Variants in PCDHGB3 observed in about 807,000 individuals in gnomAD.
The protein encoded by PCDHGB3 is protocadherin gamma-B3.
A neutral mutation model predicts 59.2 loss-of-function variants in PCDHGB3; 40 were observed. The ratio of observed to expected loss-of-function variants is 0.68; its 90% CI spans 0.52 to 0.88. The LOEUF (loss-of-function observed/expected upper bound fraction) is 0.88, where lower values mean the gene tolerates loss of function less well. Ranked by LOEUF, PCDHGB3 falls within the 40% of genes least tolerant of loss-of-function variation. The pLI, the probability that PCDHGB3 is intolerant of heterozygous loss-of-function variation, is 0.00. For synonymous variants in PCDHGB3, 581 were observed against 503.6 expected, an observed-to-expected ratio of 1.15 and a Z score of -2.06; for missense variants, 1,309 against 1,187.9, an observed-to-expected ratio of 1.10 and a Z score of -1.50.
At chr5:141,378,972 G>A (rs2150135353) in intron 1 of PCDHGB3, 1 of 152,298 alleles carries the variant, frequency 6.6e-6, no homozygotes, top group Middle Eastern at 3.4e-3. Context: ...CTAATTTGAT[G>A]ACTTGTTGAA....
chr5:141,390,408 T>C, intron 1 of PCDHGB3: 1 of 1,254,846 alleles, frequency 8.0e-7, no homozygotes, highest in Non-Finnish European at 1.1e-6. Context: ...AGGAAAGTTG[T>C]AGTCAGTTAA....
At chr5:141,445,508 T>C (rs2098468947) in intron 1 of PCDHGB3, among the ~76,000 whole-genome samples, 1 of 152,200 alleles carries the variant, frequency 6.6e-6, no homozygotes, top group Non-Finnish European at 1.5e-5. Context: ...TAATACATGA[T>C]ATTTTACAGG....
At chr5:141,373,265 A>G (rs1038274272) in intron 1 of PCDHGB3, among the ~76,000 whole-genome samples, 1 of 152,258 alleles carries the variant, frequency 6.6e-6, no homozygotes, top group Non-Finnish European at 1.5e-5. Context: ...TTAAAAGTAT[A>G]CACAGATGTT....
chr5:141,397,700 G>A (rs2093557870), intron 1 of PCDHGB3, among the ~76,000 whole-genome samples: 2 of 152,224 alleles, frequency 1.3e-5, no homozygotes, highest in Admixed American at 1.3e-4. Flanking sequence ...AAAACCCAAC[G>A]TGATATTTCT....
chr5:141,459,171 A>G (rs2098962477), intron 1 of PCDHGB3, among the ~76,000 whole-genome samples: 1 of 152,180 alleles, frequency 6.6e-6, no homozygotes, highest in Non-Finnish European at 1.5e-5. Flanking sequence ...ATAACCTTCA[A>G]AAGTTCCCTC....
At chr5:141,407,976 G>T (rs1392473551) in intron 1 of PCDHGB3, 2 of 742,146 alleles carry the variant, frequency 2.7e-6, no homozygotes, top group South Asian at 2.3e-5. Flanking sequence ...CTGACGCCGG[G>T]GATCCGTCAG....
At chr5:141,427,882 A>G (rs2097084180) in intron 1 of PCDHGB3, 3 of 1,563,878 alleles carry the variant, frequency 1.9e-6, no homozygotes, top group Non-Finnish European at 2.6e-6. Flanking sequence ...ATGCAGGCCC[A>G]CGACCAGGGC....
At chr5:141,409,529 G>T (rs2095278932) in intron 1 of PCDHGB3, 1 of 1,613,962 alleles carries the variant, frequency 6.2e-7, no homozygotes, top group Non-Finnish European at 8.5e-7. Flanking sequence ...CTTGTATGTC[G>T]CTGACATCAA....
Position 141,372,521 on chromosome 5 carries a change from G to A in PCDHGB3, c.2127G>A (p.Leu709=), listed in dbSNP as rs1768831766. The A allele has an allele frequency of 6.2e-7, 1 of 1,614,014 alleles. No homozygotes were observed. Among genetic ancestry groups the A allele is most frequent in the Non-Finnish European group, 8.5e-7 (1 of 1,179,888 alleles). Residue 709 remains leucine (L), a synonymous_variant, in exon 1 of 4, where the codon CTG becomes CTA. Transcript: ENST00000576222. The part of the protein sequence containing the change: ...ISVLFLLAVI[L]AISLRLRCSS... ...TGCTCTTCCTCCTCGCGGTGATTCT[G>A]GCAATCTCCCTGCGCCTGCGATGCT... is the stretch of plus-strand genomic sequence containing the variant.
intron 1 of PCDHGB3, chr5:141,411,225 GC>G (rs1253575140): frequency 1.3e-5 from 2 of 152,092 alleles, no homozygotes; most frequent in African/African-American, 4.8e-5. Flanking sequence ...ATTCAAATTT[GC>G]GAAGACTTAG....
At chr5:141,414,283 G>T in intron 1 of PCDHGB3, 1 of 1,613,520 alleles carries the variant, frequency 6.2e-7, no homozygotes, top group Non-Finnish European at 8.5e-7. Flanking sequence ...GGGAACAGTC[G>T]TAGCCCTTTT....
At chr5:141,408,205 G>A (rs1222360149) in intron 1 of PCDHGB3, 2 of 1,551,762 alleles carry the variant, frequency 1.3e-6, no homozygotes, top group Non-Finnish European at 1.7e-6. Context: ...AGCGAACGAT[G>A]GGAGGGAGCT....
chr5:141,449,497 G>A (rs903338878), intron 1 of PCDHGB3, among the ~76,000 whole-genome samples: 4 of 149,856 alleles, frequency 2.7e-5, no homozygotes, highest in African/African-American at 9.9e-5. Flanking sequence ...GGTGAGGCAT[G>A]AGAAATGCTT....
At chr5:141,499,127 A>G (rs1198571084) in intron 2 of PCDHGB3, among the ~76,000 whole-genome samples, 1 of 152,134 alleles carries the variant, frequency 6.6e-6, no homozygotes, top group Non-Finnish European at 1.5e-5. Flanking sequence ...TTCTCAGGTC[A>G]TCCTTTGGGT....
chr5:141,508,994 A>G (rs2099873731), intron 3 of PCDHGB3, among the ~76,000 whole-genome samples: 1 of 152,052 alleles, frequency 6.6e-6, no homozygotes, highest in South Asian at 2.1e-4. Flanking sequence ...CAGCTGGGGT[A>G]GGAGAGGAGG....
intron 1 of PCDHGB3, among the ~76,000 whole-genome samples, chr5:141,456,745 A>T (rs573105679): frequency 6.6e-6 from 1 of 151,920 alleles, no homozygotes; most frequent in South Asian, 2.1e-4. Context: ...CGGGAGCATC[A>T]TGAGGTCAGG....
At chr5:141,391,607 A>G (rs1436377162) in intron 1 of PCDHGB3, 1 of 152,212 alleles carries the variant, frequency 6.6e-6, no homozygotes, top group Non-Finnish European at 1.5e-5. Flanking sequence ...TTCAGATTTC[A>G]TGAGTGGTTT....
intron 1 of PCDHGB3, among the ~76,000 whole-genome samples, chr5:141,451,032 A>G: frequency 6.6e-6 from 1 of 150,486 alleles, no homozygotes; most frequent in Non-Finnish European, 1.5e-5. Context: ...GTTTCACCAT[A>G]TTGGCCAGGC....
intron 1 of PCDHGB3, among the ~76,000 whole-genome samples, chr5:141,406,833 A>G (rs776807611): frequency 3.9e-5 from 6 of 152,238 alleles, no homozygotes; most frequent in Non-Finnish European, 4.4e-5. Flanking sequence ...ATGAACTTGC[A>G]TATCAGATAT....
Sources: allele counts gnomAD v4.1 joint callset (sites outside exome capture counted in the v4.1 genomes callset), GRCh38; gene constraint gnomAD v4.1.1; transcripts MANE v1.5; gene names NCBI Gene and HGNC (gene_info 2026-07-23, HGNC 2026-07-21).